Variants in MED1 observed in about 807,000 individuals in gnomAD.
The protein encoded by MED1 is mediator complex subunit 1.
A neutral mutation model predicts 121.3 loss-of-function variants in MED1; 17 were observed. The observed-to-expected ratio is 0.14, with a 90% CI of 0.10 to 0.21. The LOEUF is 0.21. Among genes scored for constraint, MED1 ranks in the 10% least tolerant of loss-of-function variants. The pLI is 1.00. For synonymous variants in MED1, 661 were observed against 694.4 expected (o/e 0.95, Z 0.76); for missense variants, 1,558 against 1,919.4 (o/e 0.81, Z 3.52).
chr17:39,427,926 T>A, intron 9 of MED1, 136 bp from the exon 10 acceptor site: 1 of 575,780 alleles, frequency 1.7e-6, no homozygotes, highest in Non-Finnish European at 2.9e-6. Flanking sequence ...CAAAACAGCT[T>A]ATGAAATATG....
At chr17:39,448,151 T>A (rs2048746144) in intron 1 of MED1, among the ~76,000 whole-genome samples, 1 of 151,688 alleles carries the variant, frequency 6.6e-6, no homozygotes, top group African/African-American at 2.4e-5. Flanking sequence ...TTTTTTTTTT[T>A]TAAAGACTAA....
chr17:39,423,240 C>CAGA (rs924118612), intron 13 of MED1, 87 bp downstream of exon 13: 8 of 966,448 alleles, frequency 8.3e-6, no homozygotes, highest in African/African-American at 8.2e-5. Context: ...AGAAACTTAT[C>CAGA]TGACCTCAAT....
At position 39,423,785 on chromosome 17, in the gene MED1, A is replaced by T. The variant is rs758069334; in HGVS notation, c.888T>A (p.Ser296Arg). ...AGAAGAAACAGGCAGGAAGATCAAC[A>T]CTGTTGGCACTGGTGATTGAGGAGA... Reference protein sequence around the residue: ...PSFSSITSANSVDLPACFFLK... With the variant: ...PSFSSITSANRVDLPACFFLK... The change falls in exon 12 of 17, where the codon AGT (serine) becomes AGA (arginine). Residue 296 changes from serine to arginine, a missense_variant. Transcript: ENST00000300651. 3.1e-6 allele frequency: 5 copies of T among 1,613,794 alleles called. No individual in the cohort carries two copies. The highest frequency in any genetic ancestry group is 4.2e-6 in the Non-Finnish European group (5 of 1,179,900).
rs145872206 is a variant in MED1, at chr17:39,407,391, G to A, written c.*84C>T. 1.7e-5 allele frequency: 25 copies of A among 1,475,678 alleles called. No individual in the cohort carries two copies. The East Asian group carries it at 5.9e-4, about 35-fold the overall frequency. 91.4% of individuals were successfully genotyped at this position (1,475,678 alleles called of 1,614,324 possible). On this transcript the variant is annotated 3_prime_UTR_variant, in exon 17 of 17. Transcript: ENST00000300651. ...ATTCTTAACCAAATCAGACCTGTCT[G>A]ACTCACCCCTTATGGTGGTTTGCCT...
At chr17:39,427,663 G>T in intron 10 of MED1, 38 bp downstream of exon 10, 3 of 1,475,124 alleles carry the variant, frequency 2.0e-6, no homozygotes, top group South Asian at 1.2e-5. Context: ...GCTGGGCACC[G>T]AACAAAACCT....
chr17:39,432,103 G>A, intron 7 of MED1, 87 bp from the exon 8 acceptor site: 2 of 926,898 alleles, frequency 2.2e-6, no homozygotes, highest in Non-Finnish European at 3.4e-6. Flanking sequence ...AGCACCTTGG[G>A]AGGCTGAGGC....
chr17:39,439,019 C>A (rs998486085), intron 6 of MED1, 146 bp downstream of exon 6: 4 of 679,466 alleles, frequency 5.9e-6, no homozygotes, highest in Non-Finnish European at 7.4e-6. Context: ...CAATTCAGGA[C>A]GTGATTAAGT....
rs555331283 is a variant in MED1 at position 39,451,216 on chromosome 17, GAAGAGAA to G, written c.-161_-155del. The G allele has an allele frequency of 6.2e-4, 509 of 816,016 alleles. 2 individuals carry two copies. In the African/African-American group the frequency reaches 8.2e-3, roughly 13 times the overall value. The allele number at this position is 816,016 out of a possible 1,614,324, so 50.5% of individuals were successfully genotyped here. A position where few individuals can be genotyped will look rare whatever the true frequency, so the allele number is the denominator to read the frequency against. Reference sequence around the variant, plus strand: ...ATCAATCTGAAGTCCCCGGCGGCAAGAAGAGAAGGGTGCTCGAGGCCGCCGCCATCTT... The same window carrying G: ...ATCAATCTGAAGTCCCCGGCGGCAAGGGGTGCTCGAGGCCGCCGCCATCTT... On this transcript the variant is annotated 5_prime_UTR_variant, in exon 1 of 17. The change abolishes the stop of an existing upstream ORF in the 5' untranslated region. Coordinates refer to ENST00000300651, the MANE Select transcript of MED1 (RefSeq NM_004774.4).
At chr17:39,442,778 G>A (rs1210073338) in intron 3 of MED1, among the ~76,000 whole-genome samples, 1 of 150,376 alleles carries the variant, frequency 6.6e-6, no homozygotes, top group African/African-American at 2.4e-5. Flanking sequence ...GGTGGCACAT[G>A]CCTGTAATCC....
intron 7 of MED1, among the ~76,000 whole-genome samples, chr17:39,432,687 G>A (rs2048576676): frequency 6.6e-6 from 1 of 151,674 alleles, no homozygotes; most frequent in Non-Finnish European, 1.5e-5. Context: ...CCGGGAGGTG[G>A]AGGTTGCAGT....
intron 14 of MED1, among the ~76,000 whole-genome samples, chr17:39,415,782 A>T (rs2048403137): frequency 7.3e-6 from 1 of 137,114 alleles, no homozygotes; most frequent in Non-Finnish European, 1.5e-5. Context: ...GTGCCACTGC[A>T]CTCCAGCCTG....
At chr17:39,445,119 G>A (rs1277773471) in intron 2 of MED1, among the ~76,000 whole-genome samples, 1 of 152,048 alleles carries the variant, frequency 6.6e-6, no homozygotes, top group Non-Finnish European at 1.5e-5. Flanking sequence ...GAGAAGAGGT[G>A]CTCTGGTCAA....
chr17:39,439,292 C>A (rs2048649961), intron 5 of MED1, 99 bp from the exon 6 acceptor site: 3 of 895,892 alleles, frequency 3.3e-6, no homozygotes, highest in Non-Finnish European at 1.7e-6. Flanking sequence ...TGTTTTACAA[C>A]AAAACCATTA....
intron 6 of MED1, among the ~76,000 whole-genome samples, chr17:39,436,654 G>C (rs1377097924): frequency 1.3e-5 from 2 of 152,072 alleles, no homozygotes; most frequent in African/African-American, 2.4e-5. Context: ...CCTTCTAAAT[G>C]AAACAATTTT....
intron 11 of MED1, 143 bp from the exon 12 acceptor site, chr17:39,423,964 C>A: frequency 1.1e-6 from 1 of 928,040 alleles, no homozygotes; most frequent in Non-Finnish European, 1.5e-6. Context: ...CTCACTGCAA[C>A]CTCTGCCTCC....
chr17:39,422,769 C>G (rs1397685531), intron 13 of MED1, among the ~76,000 whole-genome samples: 2 of 151,796 alleles, frequency 1.3e-5, no homozygotes, highest in Admixed American at 1.3e-4. Flanking sequence ...GCCACTGCAC[C>G]TGGCCAATCA....
rs1263541658 is a variant in MED1, at chr17:39,434,284, C to G, written c.465G>C (p.Lys155Asn). ...GAAGGTTATACAGATTAACAAGGCC[C>G]TTAAGGTGCTTAGAAAATTCATCAA... ...KNFDEFSKHL[K>N]GLVNLYNLPG... The change falls in exon 7 of 17, where the codon AAG becomes AAC. Residue 155 changes from lysine (K) to asparagine (N), a missense_variant. Around this residue, in one of 5 missense-constraint regions of MED1, gnomAD observed 443 missense variants for 532.4 expected, o/e 0.83. Transcript: ENST00000300651. 20 of 1,568,438 alleles carry G rather than the reference C, an allele frequency of 1.3e-5. No individual in the cohort carries two copies. The highest frequency in any genetic ancestry group is 1.6e-5 in the Non-Finnish European group (19 of 1,160,586).
chr17:39,442,996 C>CTTTTT (rs754729976), intron 3 of MED1, among the ~76,000 whole-genome samples: 9 of 82,882 alleles, frequency 1.1e-4, no homozygotes, highest in East Asian at 4.3e-4. Context: ...TCCCAGGTAT[C>CTTTTT]TTTTTTTTTT....
intron 2 of MED1, chr17:39,445,328 T>A (rs1384211328): frequency 6.6e-6 from 1 of 152,062 alleles, no homozygotes; most frequent in South Asian, 2.1e-4. Context: ...TTCTGCTGTC[T>A]CAGCCTCCCG....
Sources: gnomAD v4.1 joint callset for allele counts (sites outside exome capture counted in the v4.1 genomes callset) on GRCh38, gnomAD v4.1.1 for gene constraint, gnomAD v4.1.1 regional missense constraint, MANE v1.5 for transcripts, NCBI Gene and HGNC (gene_info 2026-07-23, HGNC 2026-07-21) for gene names.